TACR3: variants seen among roughly 807,000 people sequenced by gnomAD.
TACR3 encodes the protein tachykinin receptor 3.
A neutral mutation model predicts 35.0 loss-of-function variants in TACR3; 34 were observed. The ratio of observed to expected loss-of-function variants is 0.97; its 90% CI spans 0.74 to 1.30. TACR3 has a LOEUF of 1.30. Among genes scored for constraint, TACR3 ranks in the 50% most tolerant of loss-of-function variants. TACR3 has a pLI of 0.00. For synonymous variants in TACR3, 233 were observed against 221.1 expected (o/e 1.05, Z -0.48); for missense variants, 558 against 591.7 (o/e 0.94, Z 0.59).
At chr4:103,686,374 T>G (rs906311558) in intron 1 of TACR3, among the ~76,000 whole-genome samples, 1 of 152,104 alleles carries the variant, frequency 6.6e-6, no homozygotes, top group Admixed American at 6.6e-5. Flanking sequence ...GAACAACCAC[T>G]AACTAAGCTG....
At chr4:103,684,362 C>A (rs1266979036) in intron 1 of TACR3, among the ~76,000 whole-genome samples, 4 of 152,030 alleles carry the variant, frequency 2.6e-5, no homozygotes, top group African/African-American at 9.7e-5. Context: ...ATGAGTTTGA[C>A]AAGGATGCAG....
At chr4:103,663,987 C>T (rs1725887058) in intron 1 of TACR3, among the ~76,000 whole-genome samples, 2 of 152,160 alleles carry the variant, frequency 1.3e-5, no homozygotes, top group African/African-American at 4.8e-5. Flanking sequence ...CACCATTCTT[C>T]CTTCACCAGA....
At chr4:103,610,435 GTC>G (rs1724489445) in intron 3 of TACR3, among the ~76,000 whole-genome samples, 1 of 152,040 alleles carries the variant, frequency 6.6e-6, no homozygotes, top group African/African-American at 2.4e-5. Context: ...TTTGGGAAAT[GTC>G]TACTCAGATC....
In TACR3 at chr4:103,633,763, G is replaced by T. The variant is rs79223450; in HGVS notation, c.888+22431C>A. ...GCTAATTTCTATTTTCAGTTGAATC[G>T]TTTAAAAAATAGCCAGGTGTTTTCC... On this transcript the variant is annotated intron_variant, in intron 3 of 4. Transcript: ENST00000304883. Among the ~76,000 whole-genome samples, 588 of 152,164 alleles carry T rather than the reference G, an allele frequency of 3.9e-3. 6 individuals carry two copies. The highest frequency in any genetic ancestry group is 0.013 in the African/African-American group (559 of 41,546).
At chr4:103,696,877 C>T (rs1477926416) in intron 1 of TACR3, among the ~76,000 whole-genome samples, 1 of 152,138 alleles carries the variant, frequency 6.6e-6, no homozygotes, top group Non-Finnish European at 1.5e-5. Flanking sequence ...CTTCACTCTA[C>T]TTTCATCTTT....
At chr4:103,612,639 C>G (rs1724537066) in intron 3 of TACR3, among the ~76,000 whole-genome samples, 1 of 152,026 alleles carries the variant, frequency 6.6e-6, no homozygotes, top group Non-Finnish European at 1.5e-5. Flanking sequence ...CTTCTGAGTA[C>G]CTGGGACTAC....
At position 103,637,172 on chromosome 4, in the gene TACR3, C is replaced by T. The variant is rs532213919; in HGVS notation, c.888+19022G>A. On this transcript the variant is annotated intron_variant, in intron 3 of 4. Transcript: ENST00000304883. ...TTAGACCAATATCCTTGATGAACAT[C>T]GATGCAAAAATCCTCAATAAAATAC... Among the ~76,000 whole-genome samples, 1,353 of 152,076 alleles carry T rather than the reference C, an allele frequency of 8.9e-3. 21 individuals are homozygous for T. The highest frequency in any genetic ancestry group is 0.03 in the African/African-American group (1,239 of 41,510).
chr4:103,636,597 C>T (rs1725197201), intron 3 of TACR3, among the ~76,000 whole-genome samples: 1 of 151,946 alleles, frequency 6.6e-6, no homozygotes, highest in Non-Finnish European at 1.5e-5. Context: ...CAGAGCAGAA[C>T]TGAAGGAAAT....
chr4:103,712,293 A>C (rs1379514564), intron 1 of TACR3, among the ~76,000 whole-genome samples: 1 of 152,168 alleles, frequency 6.6e-6, no homozygotes, highest in Non-Finnish European at 1.5e-5. Flanking sequence ...CCAATGGAAC[A>C]GAACAGAGCC....
intron 1 of TACR3, among the ~76,000 whole-genome samples, chr4:103,706,803 A>G (rs1437972366): frequency 6.6e-6 from 1 of 152,212 alleles, no homozygotes; most frequent in Non-Finnish European, 1.5e-5. Flanking sequence ...AAGACTGGGA[A>G]GGACGATGAA....
At chr4:103,605,357 T>TG (rs1395769576) in intron 3 of TACR3, among the ~76,000 whole-genome samples, 2 of 97,016 alleles carry the variant, frequency 2.1e-5, no homozygotes, top group African/African-American at 6.8e-5. Context: ...ATGGGATGGC[T>TG]GGGTCAAATG....
chr4:103,691,415 C>G (rs1218115457), intron 1 of TACR3, among the ~76,000 whole-genome samples: 1 of 152,110 alleles, frequency 6.6e-6, no homozygotes, highest in Non-Finnish European at 1.5e-5. Flanking sequence ...GCAGTGGTAG[C>G]AGGTAGATCA....
chr4:103,715,993 C>A (rs1022593736), intron 1 of TACR3, among the ~76,000 whole-genome samples: 1 of 152,096 alleles, frequency 6.6e-6, no homozygotes, highest in African/African-American at 2.4e-5. Flanking sequence ...TCAAACCCTG[C>A]AGTCATCACA....
chr4:103,702,108 T>C (rs374438178), intron 1 of TACR3, among the ~76,000 whole-genome samples: 68 of 152,136 alleles, frequency 4.5e-4, no homozygotes, highest in African/African-American at 5.3e-4. Context: ...TCAGAGTGAA[T>C]AGGCAACCTA....
At chr4:103,672,723 A>C (rs577369421) in intron 1 of TACR3, among the ~76,000 whole-genome samples, 137 of 152,308 alleles carry the variant, frequency 9.0e-4, no homozygotes, top group African/African-American at 3.2e-3. Context: ...CAGCTGCACT[A>C]ACCCTTAGTA....
intron 3 of TACR3, among the ~76,000 whole-genome samples, chr4:103,640,198 GCTGT>G (rs1247925354): frequency 1.3e-5 from 2 of 152,066 alleles, no homozygotes; most frequent in Non-Finnish European, 2.9e-5. Flanking sequence ...ATCAAACCAT[GCTGT>G]CTGACTCTGT....
chr4:103,590,210 T>G (rs1346026503), intron 4 of TACR3, among the ~76,000 whole-genome samples: 5 of 151,986 alleles, frequency 3.3e-5, no homozygotes, highest in Non-Finnish European at 7.3e-5. Flanking sequence ...GAAGCATTGA[T>G]TCCCAGCAAT....
intron 3 of TACR3, among the ~76,000 whole-genome samples, chr4:103,601,112 A>G (rs1296619675): frequency 6.6e-6 from 1 of 152,144 alleles, no homozygotes; most frequent in African/African-American, 2.4e-5. Flanking sequence ...GTTGGTCGCT[A>G]AGGACTTGCT....
At chr4:103,702,811 A>G (rs1022052579) in intron 1 of TACR3, among the ~76,000 whole-genome samples, 6 of 150,436 alleles carry the variant, frequency 4.0e-5, no homozygotes, top group African/African-American at 1.5e-4. Flanking sequence ...ACAAAAAACC[A>G]AACATCACAT....
Sources: allele counts gnomAD v4.1 joint callset (sites outside exome capture counted in the v4.1 genomes callset), GRCh38; gene constraint gnomAD v4.1.1; transcripts MANE v1.5; gene names NCBI Gene and HGNC (gene_info 2026-07-23, HGNC 2026-07-21).